The following RALGPS2 variants were observed in gnomAD, a reference collection of about 807,000 sequenced individuals.
RALGPS2 encodes the protein Ral GEF with PH domain and SH3 binding motif 2, also known as ras-specific guanine nucleotide-releasing factor RalGPS2.
RALGPS2 carries 43 observed loss-of-function variants against 86.8 expected under a neutral mutation model. The ratio of observed to expected loss-of-function variants is 0.50; its 90% CI spans 0.39 to 0.64. The LOEUF is 0.64. Ranked by LOEUF, RALGPS2 falls within the 30% of genes least tolerant of loss-of-function variation. The pLI is 0.00. For missense variants in RALGPS2, 536 were observed against 694.6 expected (o/e 0.77, Z 2.57); for synonymous variants, 243 against 231.3 (o/e 1.05, Z -0.46).
intron 4 of RALGPS2, among the ~76,000 whole-genome samples, chr1:178,787,283 G>C (rs1011008000): frequency 3.3e-5 from 5 of 152,006 alleles, no homozygotes; most frequent in African/African-American, 9.7e-5. Context: ...CTTTATATGA[G>C]ATCAGTGCTG....
chr1:178,837,692 C>G (rs1572384121), intron 8 of RALGPS2, among the ~76,000 whole-genome samples: 1 of 101,290 alleles, frequency 9.9e-6, no homozygotes. Flanking sequence ...GGGTGCAGGA[C>G]AGTGGGTGCA....
At chr1:178,913,402 A>T (rs1351590108) in intron 19 of RALGPS2, among the ~76,000 whole-genome samples, 1 of 151,998 alleles carries the variant, frequency 6.6e-6, no homozygotes, top group Non-Finnish European at 1.5e-5. Flanking sequence ...GGATTGTTTT[A>T]CTGTTTTCCT....
At chr1:178,892,374 T>A in intron 15 of RALGPS2, 67 bp downstream of exon 15, 2 of 1,351,924 alleles carry the variant, frequency 1.5e-6, no homozygotes, top group Non-Finnish European at 2.1e-6. Flanking sequence ...CTTACATGGG[T>A]GTGGTCTGAC....
chr1:178,777,772 G>A (rs1291490357), intron 2 of RALGPS2, among the ~76,000 whole-genome samples: 1 of 152,076 alleles, frequency 6.6e-6, no homozygotes, highest in East Asian at 1.9e-4. Context: ...TGACAAACCT[G>A]AGAAAAACAA....
At chr1:178,874,859 G>T (rs1658929199) in intron 8 of RALGPS2, among the ~76,000 whole-genome samples, 1 of 152,110 alleles carries the variant, frequency 6.6e-6, no homozygotes. Flanking sequence ...TAAGCAGTCT[G>T]CCCGCCTCAG....
chr1:178,790,446 A>T (rs1284077832), intron 4 of RALGPS2, among the ~76,000 whole-genome samples: 1 of 152,236 alleles, frequency 6.6e-6, no homozygotes, highest in Admixed American at 6.5e-5. Flanking sequence ...GGCTTTCTGC[A>T]TTCTGCCACC....
chr1:178,749,692 G>A (rs555436222), intron 1 of RALGPS2, among the ~76,000 whole-genome samples: 1 of 152,332 alleles, frequency 6.6e-6, no homozygotes, highest in South Asian at 2.1e-4. Flanking sequence ...CTATTGCAGA[G>A]TTATCTACAG....
At chr1:178,903,928 CTG>C (rs1469825308) in intron 18 of RALGPS2, among the ~76,000 whole-genome samples, 1 of 152,194 alleles carries the variant, frequency 6.6e-6, no homozygotes, top group African/African-American at 2.4e-5. Context: ...AATCTCCACA[CTG>C]TATTCCATAG....
At chr1:178,852,836 C>CT (rs775978569) in intron 8 of RALGPS2, 3 of 1,613,908 alleles carry the variant, frequency 1.9e-6, no homozygotes, top group South Asian at 1.1e-5. Context: ...TCTGCATAGA[C>CT]TTTTTTATCA....
intron 8 of RALGPS2, among the ~76,000 whole-genome samples, chr1:178,869,923 A>G (rs1572433002): frequency 6.6e-6 from 1 of 152,144 alleles, no homozygotes; most frequent in East Asian, 1.9e-4. Flanking sequence ...TGTGCTTAAC[A>G]AAATTATTTC....
intron 8 of RALGPS2, among the ~76,000 whole-genome samples, chr1:178,840,495 T>C (rs1164555402): frequency 6.6e-6 from 1 of 152,178 alleles, no homozygotes; most frequent in East Asian, 1.9e-4. Flanking sequence ...GGGACACATT[T>C]AAAGCAGTGT....
At chr1:178,776,934 C>T (rs1653116526) in intron 2 of RALGPS2, 113 bp downstream of exon 2, 4 of 767,694 alleles carry the variant, frequency 5.2e-6, no homozygotes, top group South Asian at 3.9e-5. Context: ...CAGAAATACA[C>T]ATTTCCTTTT....
chr1:178,818,513 T>C (rs1257587178), intron 6 of RALGPS2, among the ~76,000 whole-genome samples: 1 of 152,214 alleles, frequency 6.6e-6, no homozygotes, highest in Non-Finnish European at 1.5e-5. Context: ...GGCCCCTTGC[T>C]GTAGTAGGGA....
At position 178,837,857 on chromosome 1, in the gene RALGPS2, G is replaced by C. The variant is rs573394972; in HGVS notation, c.607+4307G>C. Among the ~76,000 whole-genome samples, 15 of 152,300 alleles carry C rather than the reference G, an allele frequency of 9.8e-5. No homozygotes were observed. In the South Asian group the frequency reaches 3.1e-3, roughly 32 times the overall value. ...TACTGCACTTTTTCCAGAGGTCTTA[G>C]CAAATGGCACACCAGGAGATTAGAT... On this transcript the variant is annotated intron_variant, in intron 8 of 19. Coordinates refer to ENST00000367635, the MANE Select transcript of RALGPS2 (RefSeq NM_152663.5).
chr1:178,797,186 C>T (rs1654233614), intron 4 of RALGPS2, among the ~76,000 whole-genome samples: 1 of 152,142 alleles, frequency 6.6e-6, no homozygotes, highest in African/African-American at 2.4e-5. Flanking sequence ...CTTGACCAGG[C>T]TGAACTGTCA....
chr1:178,747,548 A>G lies in RALGPS2; in HGVS notation c.-84+22129A>G, dbSNP rs1180269295. ...TGCTTTGGTCTTCTGCTGCCAAACC[A>G]TAAGCCAGAAATGGCAGCATGTGTT... is the stretch of plus-strand genomic sequence containing the variant. On this transcript the variant is annotated intron_variant, in intron 1 of 19. Coordinates refer to ENST00000367635, the MANE Select transcript of RALGPS2 (RefSeq NM_152663.5). 5.0e-6 allele frequency: 8 copies of G among 1,612,038 alleles called. No individual in the cohort carries two copies. In the African/African-American group the frequency reaches 5.3e-5, roughly 11 times the overall value.
intron 4 of RALGPS2, among the ~76,000 whole-genome samples, chr1:178,796,058 T>C (rs1654174852): frequency 6.6e-6 from 1 of 152,198 alleles, no homozygotes; most frequent in Admixed American, 6.5e-5. Flanking sequence ...TTACTGCTGT[T>C]CATCACTGTG....
chr1:178,904,140 T>G (rs1388354828), intron 18 of RALGPS2, among the ~76,000 whole-genome samples: 1 of 152,148 alleles, frequency 6.6e-6, no homozygotes, highest in East Asian at 1.9e-4. Flanking sequence ...TGTTGGCCAT[T>G]TGTGTATCTT....
At chr1:178,778,028 A>C (rs1288852481) in intron 2 of RALGPS2, among the ~76,000 whole-genome samples, 228 of 141,266 alleles carry the variant, frequency 1.6e-3, no homozygotes, top group Admixed American at 9.9e-3. Flanking sequence ...GCAACAAAAG[A>C]CAAAATTGAC....
Sources: allele counts gnomAD v4.1 joint callset (sites outside exome capture counted in the v4.1 genomes callset), GRCh38; gene constraint gnomAD v4.1.1; transcripts MANE v1.5; gene names NCBI Gene and HGNC (gene_info 2026-07-23, HGNC 2026-07-21).